Variants in CTNNA3 observed in about 807,000 individuals in gnomAD.
The protein encoded by CTNNA3 is catenin alpha-3.
Under a neutral mutation model 95.7 loss-of-function variants are expected in CTNNA3, and 76 were observed. That is an observed-to-expected ratio of 0.79 (90% CI 0.66 to 0.96). The LOEUF (loss-of-function observed/expected upper bound fraction) is 0.96, where lower values mean the gene tolerates loss of function less well. CTNNA3 is among the 40% of genes least tolerant of loss of function. The pLI is 0.00. For missense variants in CTNNA3, 1,191 were observed against 1,089.8 expected (o/e 1.09, Z -1.31); for synonymous variants, 431 against 374.4 (o/e 1.15, Z -1.74).
At chr10:67,584,734 C>A (rs867349214) in intron 3 of CTNNA3, among the ~76,000 whole-genome samples, 7 of 152,328 alleles carry the variant, frequency 4.6e-5, no homozygotes, top group African/African-American at 1.7e-4. Flanking sequence ...AGTTTCCTAG[C>A]CACTTTGTTT....
intron 12 of CTNNA3, among the ~76,000 whole-genome samples, chr10:66,312,607 C>T (rs2092037137): frequency 6.6e-6 from 1 of 151,510 alleles, no homozygotes; most frequent in Non-Finnish European, 1.5e-5. Flanking sequence ...AGTACAATGG[C>T]ATGATATCAA....
chr10:66,025,784 A>C (rs539132822), intron 15 of CTNNA3, among the ~76,000 whole-genome samples: 1 of 152,316 alleles, frequency 6.6e-6, no homozygotes, highest in African/African-American at 2.4e-5. Flanking sequence ...TTGCTCCCTA[A>C]GCATTACAAA....
At chr10:66,790,168 G>T (rs1168723205) in intron 7 of CTNNA3, among the ~76,000 whole-genome samples, 1 of 152,100 alleles carries the variant, frequency 6.6e-6, no homozygotes, top group Non-Finnish European at 1.5e-5. Context: ...ATTATTTCTG[G>T]CTGGGTGTGG....
rs1273763453 is a variant in CTNNA3 at position 66,085,495 on chromosome 10, TTA to T, written c.1978-16008_1978-16007del. On this transcript the variant is annotated intron_variant, in intron 14 of 17. Transcript: ENST00000433211. ...AATGTGCAAGATTTTGAATATTTTC[TTA>T]TATATAGAATAGTATTATTTTTTCT... 1.6e-4 allele frequency among the ~76,000 whole-genome samples: 25 copies of T among 152,266 alleles called. 1 individual carries two copies. The highest frequency in any genetic ancestry group is 6.0e-4 in the African/African-American group (25 of 41,570).
intron 12 of CTNNA3, among the ~76,000 whole-genome samples, chr10:66,334,695 C>T (rs1183703033): frequency 6.6e-6 from 1 of 151,940 alleles, no homozygotes; most frequent in African/African-American, 2.4e-5. Context: ...TTTGGTGAAT[C>T]TGACAATTAT....
At chr10:67,264,183 T>C (rs1866725651) in intron 5 of CTNNA3, among the ~76,000 whole-genome samples, 1 of 152,098 alleles carries the variant, frequency 6.6e-6, no homozygotes, top group Non-Finnish European at 1.5e-5. Flanking sequence ...TTGATCCAGA[T>C]AGACCCATTT....
At chr10:67,061,684 G>C (rs1239475323) in intron 7 of CTNNA3, among the ~76,000 whole-genome samples, 1 of 152,202 alleles carries the variant, frequency 6.6e-6, no homozygotes, top group African/African-American at 2.4e-5. Context: ...ACATAAAAGG[G>C]ATGATGAAAG....
At chr10:67,194,674 C>T (rs188384758) in intron 6 of CTNNA3, among the ~76,000 whole-genome samples, 5 of 151,818 alleles carry the variant, frequency 3.3e-5, no homozygotes, top group South Asian at 2.1e-4. Context: ...GCCCACAGAA[C>T]GTACAACACC....
At chr10:67,268,283 TAGAA>T (rs1164131740) in intron 5 of CTNNA3, among the ~76,000 whole-genome samples, 3 of 150,774 alleles carry the variant, frequency 2.0e-5, no homozygotes, top group Non-Finnish European at 4.4e-5. Context: ...CTAGGTAACA[TAGAA>T]AGACTCCCAT....
intron 2 of CTNNA3, among the ~76,000 whole-genome samples, chr10:67,627,748 A>G (rs1275734782): frequency 6.6e-6 from 1 of 152,022 alleles, no homozygotes; most frequent in Non-Finnish European, 1.5e-5. Flanking sequence ...AAATTATAAA[A>G]TTGTTTTCAT....
chr10:67,605,517 C>T (rs1843240335), intron 3 of CTNNA3, among the ~76,000 whole-genome samples: 1 of 152,064 alleles, frequency 6.6e-6, no homozygotes, highest in Non-Finnish European at 1.5e-5. Flanking sequence ...TTTAGATGCT[C>T]TTGCTACACA....
chr10:66,199,316 C>A (rs753569088), intron 13 of CTNNA3, among the ~76,000 whole-genome samples: 26 of 152,116 alleles, frequency 1.7e-4, no homozygotes, highest in Non-Finnish European at 2.9e-4. Flanking sequence ...TTTCAACCTA[C>A]TCTCACGAAA....
At chr10:67,284,177 T>C (rs1390993400) in intron 5 of CTNNA3, among the ~76,000 whole-genome samples, 1 of 152,196 alleles carries the variant, frequency 6.6e-6, no homozygotes, top group Non-Finnish European at 1.5e-5. Flanking sequence ...TTCTGCCATT[T>C]TTCTTGTTGC....
chr10:67,198,023 T>C (rs374980968), intron 6 of CTNNA3, among the ~76,000 whole-genome samples: 4 of 152,306 alleles, frequency 2.6e-5, no homozygotes, highest in African/African-American at 7.2e-5. Flanking sequence ...GTATCTACAA[T>C]GGTCAACACA....
chr10:66,077,694 C>T (rs2080596970), intron 14 of CTNNA3, among the ~76,000 whole-genome samples: 1 of 141,256 alleles, frequency 7.1e-6, no homozygotes, highest in African/African-American at 2.8e-5. Flanking sequence ...AGGTGGTGAT[C>T]TGTATGGAGC....
chr10:66,511,457 TAGGTTATTTGAAATC>T (rs1840655392), intron 11 of CTNNA3, among the ~76,000 whole-genome samples: 1 of 122,124 alleles, frequency 8.2e-6, no homozygotes, highest in Admixed American at 9.2e-5. Context: ...GGTGTATCAC[TAGGTTATTTGAAATC>T]TTTTTTTTTT....
chr10:65,992,708 C>CT (rs1321362013), intron 15 of CTNNA3, among the ~76,000 whole-genome samples: 1 of 151,748 alleles, frequency 6.6e-6, no homozygotes, highest in East Asian at 1.9e-4. Flanking sequence ...CTTTGTTGAT[C>CT]TTTCGTATTT....
At chr10:67,570,002 C>T (rs552002708) in intron 3 of CTNNA3, among the ~76,000 whole-genome samples, 5 of 152,168 alleles carry the variant, frequency 3.3e-5, no homozygotes, top group African/African-American at 1.2e-4. Context: ...TGCTTTACAA[C>T]TGGCAAATAT....
At chr10:66,084,154 A>AAT (rs35492391) in intron 14 of CTNNA3, among the ~76,000 whole-genome samples, 2 of 141,342 alleles carry the variant, frequency 1.4e-5, no homozygotes, top group East Asian at 2.2e-4. Context: ...AAAAGAAAAA[A>AAT]AAAGAAAAAG....
Sources: allele counts gnomAD v4.1 joint callset (sites outside exome capture counted in the v4.1 genomes callset), GRCh38; gene constraint gnomAD v4.1.1; transcripts MANE v1.5; gene names NCBI Gene and HGNC (gene_info 2026-07-23, HGNC 2026-07-21).